MVB12B: variants seen among roughly 807,000 people sequenced by gnomAD.
The protein encoded by MVB12B is multivesicular body subunit 12B.
Under a neutral mutation model 41.6 loss-of-function variants are expected in MVB12B, and 16 were observed. That is an observed-to-expected ratio of 0.38 (90% confidence interval 0.26 to 0.58). The LOEUF (loss-of-function observed/expected upper bound fraction) is 0.58. Among genes scored for constraint, MVB12B ranks in the 20% least tolerant of loss-of-function variants. The pLI is 0.62. For missense variants in MVB12B, 274 were observed against 380.2 expected (o/e 0.72, Z 2.32); for synonymous variants, 133 against 139.7 (o/e 0.95, Z 0.34).
At chr9:126,482,360 C>G (rs963435132) in intron 8 of MVB12B, among the ~76,000 whole-genome samples, 7 of 152,266 alleles carry the variant, frequency 4.6e-5, no homozygotes, top group Admixed American at 4.6e-4. Flanking sequence ...TAAAACCACC[C>G]GGCTTGCGAT....
chr9:126,380,619 C>CAGCT (rs1830607552), intron 2 of MVB12B, among the ~76,000 whole-genome samples: 1 of 152,202 alleles, frequency 6.6e-6, no homozygotes, highest in Non-Finnish European at 1.5e-5. Context: ...CTGAAGCACC[C>CAGCT]AGCTGGTCCT....
At chr9:126,434,140 T>A (rs1832405615) in intron 7 of MVB12B, among the ~76,000 whole-genome samples, 1 of 152,216 alleles carries the variant, frequency 6.6e-6, no homozygotes, top group South Asian at 2.1e-4. Flanking sequence ...ACAGAGTACC[T>A]GAATCCAACT....
chr9:126,499,179 G>A (rs1833898675), intron 9 of MVB12B, among the ~76,000 whole-genome samples: 1 of 152,172 alleles, frequency 6.6e-6, no homozygotes, highest in South Asian at 2.1e-4. Flanking sequence ...ATGAGAAAAG[G>A]CTTTTAGAAG....
At chr9:126,498,001 C>T (rs759230835) in intron 9 of MVB12B, among the ~76,000 whole-genome samples, 5 of 152,154 alleles carry the variant, frequency 3.3e-5, no homozygotes, top group African/African-American at 4.8e-5. Context: ...AGGATGGGGC[C>T]GTGGGGCCCT....
Position 126,455,156 on chromosome 9 carries a change from A to ATTTAT in MVB12B, c.758-26194_758-26190dup, listed in dbSNP as rs143369327. Among the ~76,000 whole-genome samples the ATTTAT allele has an allele frequency of 1.7e-3, 266 of 152,118 alleles. 1 individual carries two copies. Among genetic ancestry groups the ATTTAT allele is most frequent in the African/African-American group, 5.9e-3 (245 of 41,494 alleles). ...GACCCTGCGAGCTGGCTAGAGGTGAATTTATTTTATTTTATTTTATTTTTT... is the reference window on the plus strand; with the variant it reads ...GACCCTGCGAGCTGGCTAGAGGTGAATTTATTTTATTTTATTTTATTTTATTTTTT... On this transcript the variant is annotated intron_variant, in intron 7 of 9. Coordinates refer to ENST00000361171, the MANE Select transcript of MVB12B (RefSeq NM_033446.3).
At chr9:126,331,019 T>G (rs1213943291) in intron 1 of MVB12B, among the ~76,000 whole-genome samples, 1 of 152,244 alleles carries the variant, frequency 6.6e-6, no homozygotes, top group African/African-American at 2.4e-5. Flanking sequence ...AGATGGATGC[T>G]TGGGTTGCTT....
chr9:126,334,937 A>C (rs1288240813), intron 1 of MVB12B, among the ~76,000 whole-genome samples: 1 of 152,166 alleles, frequency 6.6e-6, no homozygotes, highest in Non-Finnish European at 1.5e-5. Flanking sequence ...AGCAATCTGA[A>C]CCCTAGTCCT....
At position 126,486,503 on chromosome 9, in the gene MVB12B, A is replaced by G. The variant is rs1011169816; in HGVS notation, c.873+2471A>G. Among the ~76,000 whole-genome samples, 2 of 152,194 alleles carry G rather than the reference A, an allele frequency of 1.3e-5. No homozygotes were observed. The highest frequency in any genetic ancestry group is 4.8e-5 in the African/African-American group (2 of 41,446). On this transcript the variant is annotated intron_variant, in intron 9 of 9. Coordinates refer to ENST00000361171, the MANE Select transcript of MVB12B (RefSeq NM_033446.3). The surrounding 1 kb of genome is among the most constrained non-coding windows in gnomAD (Gnocchi z 4.7). ...GCTGTTTACCATGGGGTCACGGCAG[A>G]ACCTGTCTCACGGGGTGCTTTGTGA...
At chr9:126,393,268 C>T (rs376682600) in intron 5 of MVB12B, among the ~76,000 whole-genome samples, 7 of 152,194 alleles carry the variant, frequency 4.6e-5, no homozygotes, top group Non-Finnish European at 7.3e-5. Context: ...TGCCTGGAAG[C>T]GGAAGCTTGA....
At chr9:126,329,691 T>C (rs1223561733) in intron 1 of MVB12B, among the ~76,000 whole-genome samples, 1 of 152,148 alleles carries the variant, frequency 6.6e-6, no homozygotes, top group Admixed American at 6.5e-5. Flanking sequence ...TGCAAAATAA[T>C]GATGGTGCTG....
chr9:126,417,066 C>G (rs751008325), intron 6 of MVB12B, among the ~76,000 whole-genome samples: 2 of 152,216 alleles, frequency 1.3e-5, no homozygotes, highest in Non-Finnish European at 2.9e-5. Flanking sequence ...GTCCCCATGT[C>G]CCCTGCTTCC....
At chr9:126,366,828 G>C (rs923629558) in intron 2 of MVB12B, among the ~76,000 whole-genome samples, 1 of 152,122 alleles carries the variant, frequency 6.6e-6, no homozygotes, top group African/African-American at 2.4e-5. Flanking sequence ...CACGCAGCCA[G>C]CCTGTGCTCT....
intron 7 of MVB12B, among the ~76,000 whole-genome samples, chr9:126,428,014 C>T (rs1443290303): frequency 1.3e-5 from 2 of 151,606 alleles, no homozygotes; most frequent in African/African-American, 2.4e-5. Flanking sequence ...TTGCCCTCCA[C>T]AGCTGTTTGC....
intron 9 of MVB12B, among the ~76,000 whole-genome samples, chr9:126,501,613 G>A (rs553562020): frequency 3.3e-5 from 5 of 152,300 alleles, no homozygotes; most frequent in Non-Finnish European, 4.4e-5. Context: ...TGGACATGGC[G>A]CTAGTCTGTG....
chr9:126,330,136 G>A (rs1564275153), intron 1 of MVB12B, among the ~76,000 whole-genome samples: 2 of 152,130 alleles, frequency 1.3e-5, no homozygotes, highest in Non-Finnish European at 2.9e-5. Context: ...TACTTGACAC[G>A]CTTCTGGCGA....
intron 2 of MVB12B, among the ~76,000 whole-genome samples, chr9:126,369,735 C>T (rs1015034883): frequency 7.2e-5 from 11 of 152,174 alleles, no homozygotes; most frequent in African/African-American, 2.4e-4. Context: ...CTCACTGCAA[C>T]CTCCGCCTTC....
intron 2 of MVB12B, among the ~76,000 whole-genome samples, chr9:126,366,848 G>A (rs949667838): frequency 5.3e-5 from 8 of 152,140 alleles, no homozygotes; most frequent in Admixed American, 1.3e-4. Context: ...TCCGTAGCAC[G>A]GGGCCTCCAT....
At chr9:126,371,569 A>C (rs1371513672) in intron 2 of MVB12B, among the ~76,000 whole-genome samples, 1 of 152,018 alleles carries the variant, frequency 6.6e-6, no homozygotes, top group African/African-American at 2.4e-5. Flanking sequence ...TGGCTAAGGC[A>C]CCTGTGCCAC....
In MVB12B at chr9:126,344,047, TA is replaced by T. The variant is rs80127150; in HGVS notation, c.204+3435del. On this transcript the variant is annotated intron_variant, in intron 2 of 9. Transcript: ENST00000361171. The stretch of plus-strand genomic sequence containing the variant: ...TTCCTTGAAAATATACTTTTCTTGG[TA>T]AAAAAAAAAAAAAAAAATAGCAACA... Among the ~76,000 whole-genome samples the T allele has an allele frequency of 6.5e-3, 837 of 128,724 alleles. 1 individual carries two copies. The highest frequency in any genetic ancestry group is 0.025 in the Middle Eastern group (6 of 240). The allele number at this position is 128,724 out of a possible 152,430, so 84.4% of individuals were successfully genotyped here.
Sources: allele counts gnomAD v4.1 joint callset (sites outside exome capture counted in the v4.1 genomes callset), GRCh38; gene constraint gnomAD v4.1.1; non-coding constraint Gnocchi (gnomAD v3.1); transcripts MANE v1.5; gene names NCBI Gene and HGNC (gene_info 2026-07-23, HGNC 2026-07-21).